The following HYCC2 variants were observed in gnomAD, a reference collection of about 807,000 sequenced individuals.
HYCC2 encodes the protein hyccin 2.
the HYCC2 span, among the ~76,000 whole-genome samples, chr2:201,000,987 A>C: frequency 6.6e-6 from 1 of 151,822 alleles, no homozygotes; most frequent in Non-Finnish European, 1.5e-5. Flanking sequence ...AAAAAAAAAA[A>C]ATTAGCCAGG....
At chr2:201,017,930 C>T in the HYCC2 span, among the ~76,000 whole-genome samples, 383 of 152,142 alleles carry the variant, frequency 2.5e-3, 1 homozygote, top group African/African-American at 8.9e-3. Flanking sequence ...AACTTATATA[C>T]CACTCAGTAG....
At chr2:201,027,605 G>C in the HYCC2 span, among the ~76,000 whole-genome samples, 1 of 151,970 alleles carries the variant, frequency 6.6e-6, no homozygotes, top group Non-Finnish European at 1.5e-5. Flanking sequence ...ACATCAAAAA[G>C]CTTATCCACC....
chr2:201,007,918 C>T, the HYCC2 span, among the ~76,000 whole-genome samples: 1 of 152,170 alleles, frequency 6.6e-6, no homozygotes, highest in African/African-American at 2.4e-5. Flanking sequence ...TGCATTGATG[C>T]CAGGAGGGTA....
the HYCC2 span, chr2:200,988,360 T>G: frequency 6.2e-7 from 1 of 1,613,828 alleles, no homozygotes; most frequent in Non-Finnish European, 8.5e-7. Context: ...AAGGACTTTC[T>G]GGCCTTCTTG....
the HYCC2 span, chr2:201,022,219 G>C: frequency 3.1e-5 from 17 of 547,368 alleles, no homozygotes; most frequent in Non-Finnish European, 4.7e-5. Context: ...CTGTGTTAAT[G>C]GAAAGATAAT....
the HYCC2 span, chr2:201,009,120 T>G: frequency 4.8e-5 from 62 of 1,282,634 alleles, no homozygotes; most frequent in Admixed American, 1.0e-3. Context: ...TGAGACAATG[T>G]CTCTACCATG....
At chr2:201,015,584 CA>C in the HYCC2 span, among the ~76,000 whole-genome samples, 1 of 152,038 alleles carries the variant, frequency 6.6e-6, no homozygotes, top group Admixed American at 6.6e-5. Context: ...ATTTATAATT[CA>C]AAAGTCTCTC....
chr2:201,033,153 GTGTGTA>G, the HYCC2 span, among the ~76,000 whole-genome samples: 546 of 131,914 alleles, frequency 4.1e-3, 1 homozygote, highest in African/African-American at 9.7e-3. Flanking sequence ...ATTTGTATGT[GTGTGTA>G]TGTGTGTGTG....
the HYCC2 span, among the ~76,000 whole-genome samples, chr2:201,043,120 T>A: frequency 2.0e-5 from 3 of 152,194 alleles, no homozygotes; most frequent in Admixed American, 1.3e-4. Flanking sequence ...TGTTAATCTA[T>A]AACCTTACCC....
chr2:201,033,464 C>T, the HYCC2 span, among the ~76,000 whole-genome samples: 3 of 151,458 alleles, frequency 2.0e-5, no homozygotes, highest in Non-Finnish European at 4.4e-5. Flanking sequence ...AGTGCAGTGG[C>T]GCGATCTCGG....
chr2:201,022,459 A>T, the HYCC2 span: 3 of 216,504 alleles, frequency 1.4e-5, no homozygotes, highest in African/African-American at 2.4e-5. Flanking sequence ...TATTATCAGT[A>T]AAATAATTGT....
At chr2:201,063,630 T>C in the HYCC2 span, 3 of 1,579,028 alleles carry the variant, frequency 1.9e-6, no homozygotes, top group Non-Finnish European at 2.6e-6. Flanking sequence ...AGAAAAGCCC[T>C]GTCAAAGCAA....
chr2:201,004,966 G>A, the HYCC2 span, among the ~76,000 whole-genome samples: 2 of 142,482 alleles, frequency 1.4e-5, no homozygotes, highest in African/African-American at 2.7e-5. Context: ...GCACTGAGCC[G>A]AGATCGTGCC....
At chr2:200,982,560 A>ATGAT in the HYCC2 span, among the ~76,000 whole-genome samples, 1 of 152,250 alleles carries the variant, frequency 6.6e-6, no homozygotes, top group Admixed American at 6.5e-5. Flanking sequence ...TGTGAAGAAA[A>ATGAT]TATCAGAGAG....
At chr2:201,062,302 T>C in the HYCC2 span, among the ~76,000 whole-genome samples, 1 of 151,874 alleles carries the variant, frequency 6.6e-6, no homozygotes, top group Admixed American at 6.6e-5. Context: ...GTGGATCACT[T>C]GAGGTCAGGA....
At chr2:200,985,196 A>C in the HYCC2 span, among the ~76,000 whole-genome samples, 2 of 152,218 alleles carry the variant, frequency 1.3e-5, no homozygotes, top group African/African-American at 2.4e-5. Context: ...GGTGATAACA[A>C]TACCATTCAT....
At chr2:201,071,208 C>G in the HYCC2 span, among the ~76,000 whole-genome samples, 2 of 152,176 alleles carry the variant, frequency 1.3e-5, no homozygotes, top group Non-Finnish European at 1.5e-5. Flanking sequence ...GGAAATGGCC[C>G]TAAGAAGCAA....
chr2:200,977,930 C>T, the HYCC2 span: 1 of 152,146 alleles, frequency 6.6e-6, no homozygotes, highest in Non-Finnish European at 1.5e-5. Flanking sequence ...AGAGCGAGCT[C>T]CCAAAACCTT....
At chr2:201,037,890 A>G in the HYCC2 span, among the ~76,000 whole-genome samples, 4 of 152,152 alleles carry the variant, frequency 2.6e-5, no homozygotes, top group Non-Finnish European at 5.9e-5. Flanking sequence ...AAATTGACAA[A>G]TGGGATCTAA....
Sources: gnomAD v4.1 joint callset for allele counts (sites outside exome capture counted in the v4.1 genomes callset) on GRCh38, gnomAD v4.1.1 for gene constraint, MANE v1.5 for transcripts, NCBI Gene and HGNC (gene_info 2026-07-23, HGNC 2026-07-21) for gene names.